PLPPR5: variants seen among roughly 807,000 people sequenced by gnomAD.
The protein encoded by PLPPR5 is phospholipid phosphatase-related protein type 5.
PLPPR5 carries 16 observed loss-of-function variants against 33.9 expected under a neutral mutation model. That is an observed-to-expected ratio of 0.47 (90% CI 0.32 to 0.72). The LOEUF (loss-of-function observed/expected upper bound fraction) is 0.72. PLPPR5 is among the 30% of genes least tolerant of loss of function. PLPPR5 has a pLI of 0.03. For missense variants in PLPPR5, 301 were observed against 406.7 expected (o/e 0.74, Z 2.23); for synonymous variants, 163 against 150.3 (o/e 1.08, Z -0.62).
At chr1:98,968,930 G>T (rs946739327) in intron 1 of PLPPR5, among the ~76,000 whole-genome samples, 1 of 151,986 alleles carries the variant, frequency 6.6e-6, no homozygotes, top group Admixed American at 6.6e-5. Flanking sequence ...TATAATATTT[G>T]ATTATTTTGC....
intron 1 of PLPPR5, among the ~76,000 whole-genome samples, chr1:98,997,220 A>G (rs984726715): frequency 6.6e-6 from 1 of 152,204 alleles, no homozygotes; most frequent in Non-Finnish European, 1.5e-5. Context: ...TATCAGGTTA[A>G]GTATTATTTC....
chr1:98,982,344 T>C (rs963335239), intron 1 of PLPPR5, among the ~76,000 whole-genome samples: 3 of 152,054 alleles, frequency 2.0e-5, no homozygotes, highest in Non-Finnish European at 2.9e-5. Flanking sequence ...TAACATTCCA[T>C]GTCATCAAAC....
chr1:99,004,078 C>T (rs369596993), intron 1 of PLPPR5, among the ~76,000 whole-genome samples: 133 of 152,266 alleles, frequency 8.7e-4, no homozygotes, highest in African/African-American at 2.8e-3. Flanking sequence ...AGGCAGTGAG[C>T]GAGTCAAGGC....
At chr1:98,922,969 A>T (rs976893969) in intron 3 of PLPPR5, among the ~76,000 whole-genome samples, 1 of 151,380 alleles carries the variant, frequency 6.6e-6, no homozygotes, top group East Asian at 2.0e-4. Context: ...TGGGTGACAG[A>T]GCGAGACTCT....
intron 1 of PLPPR5, among the ~76,000 whole-genome samples, chr1:98,966,620 G>A (rs1440091442): frequency 1.3e-5 from 2 of 152,208 alleles, no homozygotes; most frequent in African/African-American, 4.8e-5. Context: ...GTTAAGGGAA[G>A]TGGAGGGACA....
intron 1 of PLPPR5, chr1:99,004,219 G>A (rs1459207029): frequency 3.7e-6 from 2 of 545,700 alleles, no homozygotes; most frequent in African/African-American, 1.9e-5. Context: ...AAGCCACCGC[G>A]GGGTGTGGGG....
chr1:98,899,245 T>A (rs1648596911), intron 5 of PLPPR5, among the ~76,000 whole-genome samples: 1 of 152,166 alleles, frequency 6.6e-6, no homozygotes, highest in Non-Finnish European at 1.5e-5. Flanking sequence ...AAGTGCTGAC[T>A]CCACATCCGG....
chr1:98,906,971 A>G (rs1302165840), intron 5 of PLPPR5, among the ~76,000 whole-genome samples: 2 of 152,072 alleles, frequency 1.3e-5, no homozygotes, highest in Non-Finnish European at 2.9e-5. Flanking sequence ...CTCATTTTTT[A>G]TTATAAAACC....
intron 1 of PLPPR5, among the ~76,000 whole-genome samples, chr1:98,962,671 G>T (rs1181513477): frequency 6.6e-6 from 1 of 152,078 alleles, no homozygotes; most frequent in Non-Finnish European, 1.5e-5. Flanking sequence ...TGGAGACAGG[G>T]TCTCCCTCTG....
chr1:98,979,406 A>T (rs1651978732), intron 1 of PLPPR5, among the ~76,000 whole-genome samples: 10 of 152,072 alleles, frequency 6.6e-5, no homozygotes, highest in Admixed American at 6.6e-4. Context: ...ATGCCATTTG[A>T]TTATTGTGAG....
At chr1:99,000,157 A>G (rs964919046) in intron 1 of PLPPR5, among the ~76,000 whole-genome samples, 5 of 152,238 alleles carry the variant, frequency 3.3e-5, no homozygotes, top group African/African-American at 1.2e-4. Flanking sequence ...GGCAAATGCT[A>G]TACAGAACAA....
chr1:98,917,762 A>C (rs568901843), intron 4 of PLPPR5, among the ~76,000 whole-genome samples: 1 of 152,298 alleles, frequency 6.6e-6, no homozygotes, highest in South Asian at 2.1e-4. Context: ...TATTTTTATC[A>C]GAGCACTTAG....
At chr1:98,911,292 A>C (rs1014705216) in intron 5 of PLPPR5, among the ~76,000 whole-genome samples, 1 of 152,232 alleles carries the variant, frequency 6.6e-6, no homozygotes, top group Non-Finnish European at 1.5e-5. Flanking sequence ...ACCAAATCAG[A>C]TTCAAACCAT....
intron 1 of PLPPR5, among the ~76,000 whole-genome samples, chr1:98,984,636 T>C (rs1212772046): frequency 6.6e-6 from 1 of 152,090 alleles, no homozygotes; most frequent in East Asian, 1.9e-4. Flanking sequence ...TTAAAAATAT[T>C]CTTTTGCAAA....
chr1:98,992,452 A>G (rs575070477), intron 1 of PLPPR5, among the ~76,000 whole-genome samples: 1 of 152,208 alleles, frequency 6.6e-6, no homozygotes, highest in Non-Finnish European at 1.5e-5. Flanking sequence ...TCTCAGGTGC[A>G]ATAGATATTC....
At chr1:98,936,565 A>G (rs1330323982) in intron 3 of PLPPR5, among the ~76,000 whole-genome samples, 1 of 152,154 alleles carries the variant, frequency 6.6e-6, no homozygotes, top group Non-Finnish European at 1.5e-5. Flanking sequence ...CAACTATGGG[A>G]TTGCTTAAAA....
chr1:98,922,996 C>T (rs1451516786), intron 3 of PLPPR5, among the ~76,000 whole-genome samples: 2 of 106,054 alleles, frequency 1.9e-5, no homozygotes, highest in Non-Finnish European at 4.3e-5. Flanking sequence ...AAAACAACAA[C>T]AACAACAAAA....
chr1:98,946,937 AT>A (rs1347256334), intron 3 of PLPPR5, among the ~76,000 whole-genome samples: 1 of 152,136 alleles, frequency 6.6e-6, no homozygotes, highest in African/African-American at 2.4e-5. Flanking sequence ...GTAAAATATC[AT>A]TTTTAATTTT....
rs1652145893 is a variant in PLPPR5 at position 98,983,823 on chromosome 1, G to C, written c.237+20612C>G. Among the ~76,000 whole-genome samples the C allele has an allele frequency of 2.0e-5, 3 of 152,038 alleles. No homozygotes were observed. In the South Asian group the frequency reaches 6.2e-4, roughly 31 times the overall value. On this transcript the variant is annotated intron_variant, in intron 1 of 5. Transcript: ENST00000263177. ...GATAATCTCATTGTGGTTTTGATTT[G>C]CATTTCCCTGATGGCCAGTGATGAT...
Sources: gnomAD v4.1 joint callset for allele counts (sites outside exome capture counted in the v4.1 genomes callset) on GRCh38, gnomAD v4.1.1 for gene constraint, MANE v1.5 for transcripts, NCBI Gene and HGNC (gene_info 2026-07-23, HGNC 2026-07-21) for gene names.